TIAM2: variants seen among roughly 807,000 people sequenced by gnomAD.
TIAM2 encodes TIAM Rac1 associated GEF 2, also known as rho guanine nucleotide exchange factor TIAM2.
Under a neutral mutation model 152.9 loss-of-function variants are expected in TIAM2, and 80 were observed. The observed-to-expected ratio is 0.52, with a 90% CI of 0.44 to 0.63. The LOEUF (loss-of-function observed/expected upper bound fraction) is 0.63. Ranked by LOEUF, TIAM2 falls within the 30% of genes least tolerant of loss-of-function variation. TIAM2 has a pLI of 0.00. For synonymous variants in TIAM2, 804 were observed against 838.0 expected (o/e 0.96, Z 0.70); for missense variants, 1,965 against 2,120.1 (o/e 0.93, Z 1.44).
At chr6:155,040,592 C>G (rs1265797702) in intron 1 of TIAM2, among the ~76,000 whole-genome samples, 1 of 152,138 alleles carries the variant, frequency 6.6e-6, no homozygotes, top group East Asian at 1.9e-4. Flanking sequence ...CATCTCGGCT[C>G]ACTGCAACCT....
chr6:155,147,176 CTT>C (rs3028764), intron 6 of TIAM2, among the ~76,000 whole-genome samples: 1 of 143,322 alleles, frequency 7.0e-6, no homozygotes. Context: ...TTACATTGTT[CTT>C]TTTTTTTTTT....
chr6:155,035,574 A>T (rs987618762), intron 1 of TIAM2, among the ~76,000 whole-genome samples: 1 of 152,158 alleles, frequency 6.6e-6, no homozygotes, highest in Non-Finnish European at 1.5e-5. Context: ...ACACCATCTT[A>T]TTCCTGTGTG....
At chr6:155,018,884 C>T (rs774048966) in intron 1 of TIAM2, among the ~76,000 whole-genome samples, 1 of 143,004 alleles carries the variant, frequency 7.0e-6, no homozygotes, top group Non-Finnish European at 1.5e-5. Flanking sequence ...ACTAAAAATA[C>T]AAAAAATTAG....
intron 1 of TIAM2, among the ~76,000 whole-genome samples, chr6:155,001,216 A>G (rs1778307232): frequency 6.6e-6 from 1 of 152,120 alleles, no homozygotes; most frequent in South Asian, 2.1e-4. Context: ...GTAAAGGATG[A>G]CACCCAGGCT....
Position 155,172,194 on chromosome 6 carries a change from A to T in TIAM2, c.2362-4622A>T, listed in dbSNP as rs577021617. Among the ~76,000 whole-genome samples, 7 of 152,208 alleles carry T rather than the reference A, an allele frequency of 4.6e-5. No homozygotes were observed. In the South Asian group the frequency reaches 1.4e-3, roughly 32 times the overall value. ...TGCAGACGTTCACTAGTCAGTCTGGAGTGACTGTGGCTGCAGCCCAGTGAT... is the reference window on the plus strand; with the variant it reads ...TGCAGACGTTCACTAGTCAGTCTGGTGTGACTGTGGCTGCAGCCCAGTGAT... On this transcript the variant is annotated intron_variant, in intron 9 of 26. Transcript: ENST00000682666.
At chr6:155,144,815 A>G in intron 6 of TIAM2, 37 bp downstream of exon 6, 1 of 1,557,228 alleles carries the variant, frequency 6.4e-7, no homozygotes, top group African/African-American at 1.4e-5. Context: ...GTAATAGCTT[A>G]TGTACTGCTA....
intron 1 of TIAM2, among the ~76,000 whole-genome samples, chr6:155,033,106 T>C (rs555321227): frequency 2.8e-4 from 43 of 152,322 alleles, no homozygotes; most frequent in African/African-American, 9.4e-4. Flanking sequence ...GGTCTTCTCG[T>C]TGCCTTCCTG....
intron 1 of TIAM2, among the ~76,000 whole-genome samples, chr6:155,044,874 C>G (rs1391083899): frequency 6.6e-6 from 1 of 151,978 alleles, no homozygotes; most frequent in Non-Finnish European, 1.5e-5. Context: ...TATTATCCCT[C>G]TCTATTAACT....
At chr6:155,086,828 C>T (rs1161745631) in intron 1 of TIAM2, among the ~76,000 whole-genome samples, 1 of 151,948 alleles carries the variant, frequency 6.6e-6, no homozygotes, top group Non-Finnish European at 1.5e-5. Flanking sequence ...ACATATTAAT[C>T]ACGTTGTATT....
At chr6:155,132,910 G>GT (rs759668356) in intron 4 of TIAM2, among the ~76,000 whole-genome samples, 4 of 152,216 alleles carry the variant, frequency 2.6e-5, no homozygotes, top group East Asian at 1.9e-4. Flanking sequence ...TGGCTGCTGT[G>GT]TATGAATCAT....
At chr6:155,153,600 G>T (rs1468073627) in intron 7 of TIAM2, among the ~76,000 whole-genome samples, 1 of 147,664 alleles carries the variant, frequency 6.8e-6, no homozygotes, top group African/African-American at 2.5e-5. Context: ...TTGTCAGCAG[G>T]TTGTAAAGGA....
Position 155,224,987 on chromosome 6 carries a change from G to A in TIAM2, c.3168+13680G>A, listed in dbSNP as rs958141526. ...TGTTTGTTTGTTTGAGATGGGTCTC[G>A]CTCTGTCACCCAAGCTGGAGTGAAA... On this transcript the variant is annotated intron_variant, in intron 15 of 26. Coordinates refer to ENST00000682666, the MANE Select transcript of TIAM2 (RefSeq NM_012454.4). Among the ~76,000 whole-genome samples the A allele has an allele frequency of 3.9e-5, 6 of 152,094 alleles. No homozygotes were observed. In the East Asian group the frequency reaches 5.8e-4, roughly 15 times the overall value.
chr6:155,066,023 A>G (rs1440757155), intron 1 of TIAM2, among the ~76,000 whole-genome samples: 1 of 152,148 alleles, frequency 6.6e-6, no homozygotes, highest in Non-Finnish European at 1.5e-5. Context: ...TGTTTGTTAG[A>G]ATGAGTAGCA....
chr6:155,229,754 A>G (rs930710198), intron 15 of TIAM2, among the ~76,000 whole-genome samples: 3 of 152,220 alleles, frequency 2.0e-5, no homozygotes, highest in Non-Finnish European at 2.9e-5. Flanking sequence ...TGGGTAATAT[A>G]TAAAGAAAAA....
At chr6:155,033,404 G>T (rs1379691269) in intron 1 of TIAM2, among the ~76,000 whole-genome samples, 7 of 152,248 alleles carry the variant, frequency 4.6e-5, no homozygotes, top group Non-Finnish European at 7.4e-5. Context: ...TTTATCTGTG[G>T]TCTCCAATAT....
At chr6:155,233,704 C>T (rs898638021) in intron 15 of TIAM2, among the ~76,000 whole-genome samples, 12 of 152,150 alleles carry the variant, frequency 7.9e-5, no homozygotes, top group African/African-American at 2.9e-4. Context: ...CATGGTGGCT[C>T]ACGCCTATAA....
intron 1 of TIAM2, among the ~76,000 whole-genome samples, chr6:155,047,420 T>C (rs1278418490): frequency 6.6e-6 from 1 of 152,134 alleles, no homozygotes; most frequent in Non-Finnish European, 1.5e-5. Context: ...CCTCAAGTGA[T>C]CCACCCGCCT....
chr6:155,251,209 G>C lies in TIAM2; in HGVS notation c.4060+188G>C, dbSNP rs561031896. On this transcript the variant is annotated intron_variant, in intron 22 of 26. Transcript: ENST00000682666. ...CATCGCTCTGCATCCTCATTATCTT[G>C]TTCTCCCTTCTGCTGCTTGGCTCAG... Among the ~76,000 whole-genome samples the C allele has an allele frequency of 5.3e-5, 8 of 152,322 alleles. No individual in the cohort carries two copies. The East Asian group carries it at 1.4e-3, about 26-fold the overall frequency.
chr6:155,148,252 T>A lies in TIAM2; in HGVS notation c.1946T>A (p.Met649Lys). 3 of 1,612,730 alleles carry A rather than the reference T, an allele frequency of 1.9e-6. No individual in the cohort carries two copies. Among genetic ancestry groups the A allele is most frequent in the Non-Finnish European group, 2.5e-6 (3 of 1,180,004 alleles). The change falls in exon 7 of 27, where the codon ATG becomes AAG. Residue 649 changes from methionine to lysine, a missense_variant. Met to Lys is a moderately conservative substitution (Grantham distance 95). This residue lies in a region of TIAM2 where 1,025 missense variants were observed against 1,119.4 expected (regional missense o/e 0.92). Coordinates refer to ENST00000682666, the MANE Select transcript of TIAM2 (RefSeq NM_012454.4). ...AAAAACCTGCTTCAGAAGATAGACA[T>A]GGACAGCAAGATGAAGAAGATGGCA... ...QTKNLLQKID[M>K]DSKMKKMAEL...
Sources: allele counts gnomAD v4.1 joint callset (sites outside exome capture counted in the v4.1 genomes callset), GRCh38; gene constraint gnomAD v4.1.1; regional missense constraint gnomAD v4.1.1; transcripts MANE v1.5; gene names NCBI Gene and HGNC (gene_info 2026-07-23, HGNC 2026-07-21).